The following ARHGEF11 variants were observed in gnomAD, a reference collection of about 807,000 sequenced individuals.
ARHGEF11 encodes Rho guanine exchange factor (GEF) 11.
ARHGEF11 carries 55 observed loss-of-function variants against 193.7 expected under a neutral mutation model. The observed-to-expected ratio is 0.28, with a 90% confidence interval of 0.23 to 0.36. The LOEUF is 0.36. Among genes scored for constraint, ARHGEF11 ranks in the 10% least tolerant of loss-of-function variants. ARHGEF11 has a pLI of 1.00. For missense variants in ARHGEF11, 1,723 were observed against 2,005.6 expected (o/e 0.86, Z 2.69); for synonymous variants, 693 against 768.0 (o/e 0.90, Z 1.62).
intron 1 of ARHGEF11, among the ~76,000 whole-genome samples, chr1:156,991,263 C>T (rs1665650446): frequency 6.6e-6 from 1 of 152,190 alleles, no homozygotes; most frequent in South Asian, 2.1e-4. Flanking sequence ...GACTGTATCC[C>T]AGTATCATCA....
upstream of ARHGEF11, among the ~76,000 whole-genome samples, chr1:157,045,837 C>T (rs1673266041): frequency 6.6e-6 from 1 of 151,186 alleles, no homozygotes; most frequent in Admixed American, 6.6e-5. Context: ...CCCCCCTTCC[C>T]TCCCTCCTTC....
chr1:156,952,919 G>A (rs997378409), intron 21 of ARHGEF11, among the ~76,000 whole-genome samples: 4 of 152,260 alleles, frequency 2.6e-5, no homozygotes, highest in Admixed American at 6.5e-5. Context: ...GCCCTGAGCC[G>A]CCCTGGCTGG....
intron 1 of ARHGEF11, among the ~76,000 whole-genome samples, chr1:156,992,243 C>G (rs564149562): frequency 6.6e-6 from 1 of 152,308 alleles, no homozygotes; most frequent in Non-Finnish European, 1.5e-5. Context: ...GTATCATCCC[C>G]TTTTTGCACT....
At position 156,944,389 on chromosome 1, in the gene ARHGEF11, C is replaced by T; in HGVS notation, c.3036G>A (p.Leu1012=). The part of the protein sequence containing the change: ...TTRKMIHEGP[L]TWRISKDKTL... Reference sequence around the variant, plus strand: ...TCTTATCCTTGCTGATCCTCCAGGTCAGGGGTCCCTCATGGATCATTTTTC... The same window carrying T: ...TCTTATCCTTGCTGATCCTCCAGGTTAGGGGTCCCTCATGGATCATTTTTC... The change falls in exon 31 of 41, where the codon CTG becomes CTA. Residue 1012 remains leucine, a synonymous_variant. Transcript: ENST00000368194. 6.2e-7 allele frequency: 1 copy of T among 1,614,122 alleles called. No homozygotes were observed. The highest frequency in any genetic ancestry group is 1.1e-5 in the South Asian group (1 of 91,070).
chr1:156,955,643 T>C (rs2275204), intron 20 of ARHGEF11, 60 bp downstream of exon 20: 237,293 of 1,358,128 alleles, frequency 0.17, 22,082 homozygotes, highest in East Asian at 0.34. Context: ...TACTGGTACA[T>C]GAAAGGGCTG....
At chr1:156,941,337 G>T in intron 35 of ARHGEF11, 35 bp downstream of exon 35, 1 of 1,611,460 alleles carries the variant, frequency 6.2e-7, no homozygotes, top group Non-Finnish European at 8.5e-7. Context: ...AAAAAGGCCT[G>T]GGCTGGCTCC....
At chr1:157,014,330 T>C (rs1750798) in intron 1 of ARHGEF11, among the ~76,000 whole-genome samples, 150,134 of 152,278 alleles carry the variant, frequency 0.99, 74,052 homozygotes, top group Middle Eastern at 1. Flanking sequence ...CACTCATGCC[T>C]CTCCTAAATC....
At chr1:156,936,129 A>C in intron 40 of ARHGEF11, 71 bp from the exon 41 acceptor site, 1 of 1,481,798 alleles carries the variant, frequency 6.7e-7, no homozygotes, top group Non-Finnish European at 9.4e-7. Context: ...TTGTCTAGAA[A>C]GTTCAGGCTC....
At chr1:156,958,689 A>G in intron 17 of ARHGEF11, 53 bp downstream of exon 17, 2 of 1,610,410 alleles carry the variant, frequency 1.2e-6, no homozygotes, top group Non-Finnish European at 1.7e-6. Flanking sequence ...CCCACAAAAT[A>G]TGTCAACCTG....
chr1:156,954,380 CAAAAAAAAAAAAAAAAAA>C (rs559848711), intron 21 of ARHGEF11, among the ~76,000 whole-genome samples: 754 of 75,160 alleles, frequency 0.01, 6 homozygotes, highest in Non-Finnish European at 0.015. Context: ...ACTGTGTCTC[CAAAAAAAAAAAAAAAAAA>C]AAAAAAAAAA....
upstream of ARHGEF11, among the ~76,000 whole-genome samples, chr1:157,046,379 C>A (rs867111623): frequency 6.6e-5 from 10 of 152,356 alleles, no homozygotes; most frequent in South Asian, 2.1e-3. Flanking sequence ...TGCCCCTGCC[C>A]ACGGGTGCAG....
chr1:156,984,488 G>T, intron 2 of ARHGEF11, 51 bp from the exon 3 acceptor site: 1 of 1,439,296 alleles, frequency 6.9e-7, no homozygotes, highest in Admixed American at 2.0e-5. Context: ...GGAGGTTAGT[G>T]TACACATGCC....
chr1:156,975,873 T>C (rs961916060), intron 7 of ARHGEF11, among the ~76,000 whole-genome samples: 2 of 152,246 alleles, frequency 1.3e-5, no homozygotes, highest in African/African-American at 4.8e-5. Flanking sequence ...CAATTGACCA[T>C]AGATGTATGG....
intron 32 of ARHGEF11, 25 bp from the exon 33 acceptor site, chr1:156,942,805 G>A (rs2101867377): frequency 6.2e-7 from 1 of 1,603,922 alleles, no homozygotes; most frequent in Non-Finnish European, 8.5e-7. Context: ...GAAGGTAGAA[G>A]GGTCTGTACT....
chr1:157,030,071 G>A (rs2102994645), intron 1 of ARHGEF11, among the ~76,000 whole-genome samples: 1 of 152,294 alleles, frequency 6.6e-6, no homozygotes, highest in African/African-American at 2.4e-5. Flanking sequence ...AGACAGTGAT[G>A]ATGGTTGCAC....
At position 157,045,130 on chromosome 1, in the gene ARHGEF11, TACC is replaced by T. The variant is rs1673187242; in HGVS notation, c.-803_-801del. 6.6e-6 allele frequency: 1 copy of T among 152,216 alleles called. No individual in the cohort carries two copies. The highest frequency in any genetic ancestry group is 6.5e-5 in the Admixed American group (1 of 15,276). 9.4% of individuals were successfully genotyped at this position (152,216 alleles called of 1,614,324 possible). On this transcript the variant is annotated 5_prime_UTR_variant, in exon 1 of 41. Coordinates refer to ENST00000368194, the MANE Select transcript of ARHGEF11 (RefSeq NM_198236.3). ...AGAACACCTGAAATGCAATGCTTTT[TACC>T]TTTAAGATGGTAGTAATGATAACAA...
chr1:156,985,395 T>A (rs1234655618), intron 2 of ARHGEF11, among the ~76,000 whole-genome samples: 4 of 152,214 alleles, frequency 2.6e-5, no homozygotes, highest in Non-Finnish European at 4.4e-5. Context: ...AGTATACAGA[T>A]CTGTCTGTAT....
intron 1 of ARHGEF11, among the ~76,000 whole-genome samples, chr1:157,036,307 AC>A (rs1259733448): frequency 1.3e-5 from 2 of 149,066 alleles, no homozygotes; most frequent in Non-Finnish European, 3.0e-5. Flanking sequence ...CTGACTACTC[AC>A]TTTTTTTTGT....
Position 156,948,301 on chromosome 1 carries a change from C to A in ARHGEF11, c.2105+18G>T. 1.2e-6 allele frequency: 2 copies of A among 1,612,626 alleles called. No homozygotes were observed. The highest frequency in any genetic ancestry group is 1.1e-5 in the South Asian group (1 of 91,054). On this transcript the variant is annotated intron_variant, in intron 23 of 40. Coordinates refer to ENST00000368194, the MANE Select transcript of ARHGEF11 (RefSeq NM_198236.3). The surrounding 1 kb of genome is among the most constrained non-coding windows in gnomAD (Gnocchi z 4.2). ...CCCCTGAGATGTCCATGGGTGCAGCCGTTGTAGCCCTGCCCACCTGGTGGA... is the reference window on the plus strand; with the variant it reads ...CCCCTGAGATGTCCATGGGTGCAGCAGTTGTAGCCCTGCCCACCTGGTGGA...
Sources: allele counts gnomAD v4.1 joint callset (sites outside exome capture counted in the v4.1 genomes callset), GRCh38; gene constraint gnomAD v4.1.1; non-coding constraint Gnocchi (gnomAD v3.1); transcripts MANE v1.5; gene names NCBI Gene and HGNC (gene_info 2026-07-23, HGNC 2026-07-21).